Variants in ANGEL2 observed in about 807,000 individuals in gnomAD.
ANGEL2 encodes RNA 2',3'-cyclic phosphatase ANGEL2.
ANGEL2 carries 41 observed loss-of-function variants against 66.0 expected under a neutral mutation model. The observed-to-expected ratio is 0.62, with a 90% CI of 0.48 to 0.81. The LOEUF is 0.81. Among genes scored for constraint, ANGEL2 ranks in the 30% least tolerant of loss-of-function variants. The pLI, the probability that ANGEL2 is intolerant of heterozygous loss-of-function variation, is 0.00. For synonymous variants in ANGEL2, 208 were observed against 226.5 expected (o/e 0.92, Z 0.73); for missense variants, 561 against 641.6 (o/e 0.87, Z 1.36).
intron 3 of ANGEL2, 109 bp from the exon 4 acceptor site, chr1:213,007,307 A>C (rs893606224): frequency 1.2e-6 from 1 of 802,302 alleles, no homozygotes; most frequent in Non-Finnish European, 1.9e-6. Context: ...TCCACACCTG[A>C]TAAGAATTGA....
intron 2 of ANGEL2, among the ~76,000 whole-genome samples, chr1:213,008,667 CAACAGGTTTAA>C (rs537859639): frequency 6.7e-4 from 102 of 152,206 alleles, no homozygotes; most frequent in Non-Finnish European, 7.5e-4. Context: ...ATATACTGAC[CAACAGGTTTAA>C]AACAGGTTTA....
intron 6 of ANGEL2, 146 bp from the exon 7 acceptor site, chr1:213,000,529 T>A: frequency 1.3e-6 from 1 of 792,640 alleles, no homozygotes; most frequent in South Asian, 2.2e-5. Context: ...TATATTTCGA[T>A]GGCCTCCAGA....
In ANGEL2 at chr1:212,992,707, G is replaced by A. The variant is rs1431043170; in HGVS notation, c.*2334C>T. ...TATCAAAGTGAAGCACATGAAAAAT[G>A]GGCCTAAAGTCACAATATATTAATC... On this transcript the variant is annotated 3_prime_UTR_variant, in exon 9 of 9. Coordinates refer to ENST00000366962, the MANE Select transcript of ANGEL2 (RefSeq NM_144567.5). 2.0e-5 allele frequency: 3 copies of A among 152,108 alleles called. No individual in the cohort carries two copies. Among genetic ancestry groups the A allele is most frequent in the Non-Finnish European group, 2.9e-5 (2 of 68,016 alleles). 9.4% of individuals were successfully genotyped at this position (152,108 alleles called of 1,614,324 possible).
chr1:212,999,207 TCTCA>T (rs1236611016), intron 7 of ANGEL2, among the ~76,000 whole-genome samples: 1 of 151,744 alleles, frequency 6.6e-6, no homozygotes, highest in Non-Finnish European at 1.5e-5. Flanking sequence ...AGAGGCAGGG[TCTCA>T]CTGTGTTGCC....
In ANGEL2 at chr1:213,015,630, A is replaced by T; in HGVS notation, c.42T>A (p.Cys14Ter). The T allele has an allele frequency of 6.2e-7, 1 of 1,609,694 alleles. No homozygotes were observed. ...CTACTGACCGGCCTCTTCCCACCAC[A>T]CAGTGGCCGTAGCCCTTCCTCACAC... Reference protein sequence around the residue: ...WRCVRKGYGHCVVGRGRYPMF... With the variant: ...WRCVRKGYGH The change falls in exon 1 of 9, where the codon TGT (cysteine) becomes TGA (stop). Residue 14 changes from cysteine (C) to a stop codon, truncating the protein, a stop_gained. Coordinates refer to ENST00000366962, the MANE Select transcript of ANGEL2 (RefSeq NM_144567.5). LOFTEE classifies it high-confidence loss of function.
chr1:213,001,915 C>T (rs544323220), intron 5 of ANGEL2: 215 of 167,796 alleles, frequency 1.3e-3, no homozygotes, highest in Middle Eastern at 0.011. Context: ...ATTTCCACCA[C>T]ATCTACAGTT....
At chr1:213,010,994 G>A (rs959713231) in intron 2 of ANGEL2, among the ~76,000 whole-genome samples, 1 of 152,170 alleles carries the variant, frequency 6.6e-6, no homozygotes. Flanking sequence ...TTCATGCCAT[G>A]GAACACCAAT....
At chr1:213,008,580 G>A (rs1315051873) in intron 2 of ANGEL2, 114 bp from the exon 3 acceptor site, 5 of 1,265,146 alleles carry the variant, frequency 4.0e-6, no homozygotes, top group Non-Finnish European at 4.3e-6. Flanking sequence ...TGAATAGAAT[G>A]TTTTTCCCTA....
rs917605654 is a variant in ANGEL2 at position 212,992,861 on chromosome 1, T to C, written c.*2180A>G. The C allele has an allele frequency of 2.6e-5, 4 of 152,364 alleles. No homozygotes were observed. Among genetic ancestry groups the C allele is most frequent in the African/African-American group, 9.6e-5 (4 of 41,588 alleles). The allele number at this position is 152,364 out of a possible 1,614,324, so 9.4% of individuals were successfully genotyped here. A position where few individuals can be genotyped will look rare whatever the true frequency, so the allele number is the denominator to read the frequency against. On this transcript the variant is annotated 3_prime_UTR_variant, in exon 9 of 9. Coordinates refer to ENST00000366962, the MANE Select transcript of ANGEL2 (RefSeq NM_144567.5). ...AAAGCAGTAATTAACTAATGAATTT[T>C]CATTTTTCTTTCCCCAATATTAAAA...
chr1:213,011,242 G>C lies in ANGEL2; in HGVS notation c.385+1851C>G, dbSNP rs559598296. 4.2e-5 allele frequency: 54 copies of C among 1,289,274 alleles called. No homozygotes were observed. The African/African-American group carries it at 4.7e-4, about 11-fold the overall frequency. The allele number at this position is 1,289,274 out of a possible 1,614,324, so 79.9% of individuals were successfully genotyped here. ...CAGGAGGAACAAGGTGATCACAGCAGAGAAGACAGATGAATCAAAGAAAGT... is the reference window on the plus strand; with the variant it reads ...CAGGAGGAACAAGGTGATCACAGCACAGAAGACAGATGAATCAAAGAAAGT... On this transcript the variant is annotated intron_variant, in intron 2 of 8. Transcript: ENST00000366962.
At chr1:212,997,565 T>A (rs577075887) in intron 7 of ANGEL2, among the ~76,000 whole-genome samples, 1 of 152,248 alleles carries the variant, frequency 6.6e-6, no homozygotes, top group Non-Finnish European at 1.5e-5. Flanking sequence ...ATGTGTTTTT[T>A]CATTATTTAT....
At chr1:212,997,359 TA>T in intron 7 of ANGEL2, 41 bp from the exon 8 acceptor site, 1 of 1,548,324 alleles carries the variant, frequency 6.5e-7, no homozygotes, top group East Asian at 2.3e-5. Context: ...CGAGTTTTTG[TA>T]ACTTCAAGAA....
chr1:212,998,719 G>A (rs1196355008), intron 7 of ANGEL2, among the ~76,000 whole-genome samples: 2 of 151,238 alleles, frequency 1.3e-5, no homozygotes, highest in Admixed American at 6.6e-5. Flanking sequence ...GTAGAGACGC[G>A]GTTTCACCGT....
At chr1:212,997,115 G>T in intron 8 of ANGEL2, 40 bp downstream of exon 8, 1 of 1,558,984 alleles carries the variant, frequency 6.4e-7, no homozygotes, top group Non-Finnish European at 8.8e-7. Context: ...TTTAGCTACT[G>T]TGCTCTCTAG....
Position 213,011,074 on chromosome 1 carries a change from T to C in ANGEL2, c.385+2019A>G, listed in dbSNP as rs1369304771. 3.1e-6 allele frequency: 3 copies of C among 966,206 alleles called. No homozygotes were observed. The African/African-American group carries it at 5.1e-5, about 17-fold the overall frequency. The allele number at this position is 966,206 out of a possible 1,614,324, so 59.9% of individuals were successfully genotyped here. A position where few individuals can be genotyped will look rare whatever the true frequency, so the allele number is the denominator to read the frequency against. ...TATTTTATACTGACCACATTTGCTT[T>C]TAATAAACTTACAGAAATGTGTTCA... On this transcript the variant is annotated intron_variant, in intron 2 of 8. Coordinates refer to ENST00000366962, the MANE Select transcript of ANGEL2 (RefSeq NM_144567.5).
At chr1:213,006,277 C>T (rs867290973) in intron 4 of ANGEL2, among the ~76,000 whole-genome samples, 1 of 151,926 alleles carries the variant, frequency 6.6e-6, no homozygotes, top group African/African-American at 2.4e-5. Context: ...CTGGCTAATA[C>T]GGTGAAACCC....
chr1:213,002,344 G>A (rs2076199450), intron 5 of ANGEL2: 1 of 152,220 alleles, frequency 6.6e-6, no homozygotes, highest in African/African-American at 2.4e-5. Context: ...GGTCTCAGCA[G>A]TGTGCTTAAA....
At chr1:213,001,058 A>T in intron 5 of ANGEL2, 146 bp from the exon 6 acceptor site, 1 of 713,970 alleles carries the variant, frequency 1.4e-6, no homozygotes, top group East Asian at 3.3e-5. Context: ...TTGGACTTAT[A>T]AAATCTTCTT....
chr1:213,010,007 C>T (rs1254534574), intron 2 of ANGEL2, among the ~76,000 whole-genome samples: 4 of 148,544 alleles, frequency 2.7e-5, no homozygotes, highest in African/African-American at 1.0e-4. Context: ...GCCGAGATCG[C>T]GCCATTGCAC....
Sources: gnomAD v4.1 joint callset for allele counts (sites outside exome capture counted in the v4.1 genomes callset) on GRCh38, gnomAD v4.1.1 for gene constraint, MANE v1.5 for transcripts, NCBI Gene and HGNC (gene_info 2026-07-23, HGNC 2026-07-21) for gene names.